The following HHEX variants were observed in gnomAD, a reference collection of about 807,000 sequenced individuals.
The protein encoded by HHEX is hematopoietically expressed homeobox.
Under a neutral mutation model 27.0 loss-of-function variants are expected in HHEX, and 8 were observed. The observed-to-expected ratio is 0.30, with a 90% CI of 0.17 to 0.54. The LOEUF (loss-of-function observed/expected upper bound fraction) is 0.54, where lower values mean the gene tolerates loss of function less well. Ranked by LOEUF, HHEX falls within the 20% of genes least tolerant of loss-of-function variation. The pLI is 0.95. For synonymous variants in HHEX, 164 were observed against 161.5 expected (o/e 1.02, Z -0.12); for missense variants, 326 against 357.2 (o/e 0.91, Z 0.70).
chr10:92,690,435 C>T (rs1407442173), intron 1 of HHEX, 88 bp downstream of exon 1: 30 of 1,342,658 alleles, frequency 2.2e-5, no homozygotes, highest in South Asian at 3.3e-5. Context: ...AGGGGGCAGG[C>T]GGTAGACGGC....
intron 1 of HHEX, 40 bp downstream of exon 1, chr10:92,690,387 C>T (rs1845341543): frequency 1.0e-5 from 14 of 1,396,444 alleles, no homozygotes; most frequent in South Asian, 3.2e-5. Context: ...GGAAGCGCCA[C>T]CCGGCAGGTG....
rs1457054660 is a variant in HHEX, at chr10:92,690,022, C to T, written c.36C>T (p.Ala12=). ...CGCACCCCGGGCCGGCGGCGGGCGC[C>T]GTGGGGGTGCCGCTGTACGCGCCCA... ...QYPHPGPAAG[A]VGVPLYAPTP... Residue 12 remains alanine (A), a synonymous_variant, in exon 1 of 4, where the codon GCC becomes GCT. Transcript: ENST00000282728. 6.0e-6 allele frequency: 9 copies of T among 1,496,404 alleles called. No individual in the cohort carries two copies. In the African/African-American group the frequency reaches 7.3e-5, roughly 12 times the overall value. 92.7% of individuals were successfully genotyped at this position (1,496,404 alleles called of 1,614,324 possible).
intron 1 of HHEX, among the ~76,000 whole-genome samples, chr10:92,690,737 T>C (rs1461817497): frequency 6.6e-6 from 1 of 152,200 alleles, no homozygotes; most frequent in African/African-American, 2.4e-5. Flanking sequence ...TGGACCTGGT[T>C]CAACAGGCTT....
At chr10:92,694,519 A>G in intron 3 of HHEX, 28 bp from the exon 4 acceptor site, 4 of 1,528,958 alleles carry the variant, frequency 2.6e-6, no homozygotes, top group Non-Finnish European at 3.6e-6. Context: ...TGATCCTTCC[A>G]ATCTCCATTT....
chr10:92,692,543 A>G lies in HHEX; in HGVS notation c.537A>G (p.Arg179=). The part of the protein sequence containing the change: ...RLAKMLQLSE[R]QVKTWFQNRR... ...CCAAGATGCTGCAGCTCAGCGAGAG[A>G]CAGGTGAGCTCGCGGGGGGCCTGGG... The change falls in exon 2 of 4, where the codon AGA becomes AGG. Residue 179 remains arginine (R), a synonymous_variant. Coordinates refer to ENST00000282728, the MANE Select transcript of HHEX (RefSeq NM_002729.5). 6.2e-7 allele frequency: 1 copy of G among 1,613,090 alleles called. No homozygotes were observed. The highest frequency in any genetic ancestry group is 8.5e-7 in the Non-Finnish European group (1 of 1,179,568).
Position 92,689,964 on chromosome 10 carries a change from A to G in HHEX, c.-23A>G. 1 of 1,333,924 alleles carries G rather than the reference A, an allele frequency of 7.5e-7. No homozygotes were observed. The highest frequency in any genetic ancestry group is 9.5e-7 in the Non-Finnish European group (1 of 1,047,350). 82.6% of individuals were successfully genotyped at this position (1,333,924 alleles called of 1,614,324 possible). On this transcript the variant is annotated 5_prime_UTR_variant, in exon 1 of 4. Transcript: ENST00000282728. ...CGCGGCGCGGGCCAGCAGCTCTGCG[A>G]GGGGCCGGAGCGCGGCGGAGCCATG...
In HHEX at chr10:92,692,428, A is replaced by G; in HGVS notation, c.422A>G (p.Gln141Arg). 6.2e-7 allele frequency: 1 copy of G among 1,614,062 alleles called. No individual in the cohort carries two copies. The highest frequency in any genetic ancestry group is 8.5e-7 in the Non-Finnish European group (1 of 1,179,988). The change falls in exon 2 of 4, where the codon CAG becomes CGG. Residue 141 changes from glutamine to arginine, a missense_variant. Gln to Arg is a conservative substitution (Grantham distance 43). This residue lies in a region of HHEX where 40 missense variants were observed against 54.9 expected (regional missense o/e 0.73). Coordinates refer to ENST00000282728, the MANE Select transcript of HHEX (RefSeq NM_002729.5). ...QRPLHKRKGG[Q>R]VRFSNDQTIE... ...CCTCTGCATAAAAGGAAAGGCGGCC[A>G]GGTGAGATTCTCCAACGACCAGACC...
In HHEX at chr10:92,689,995, C is replaced by A; in HGVS notation, c.9C>A (p.Tyr3Ter). The A allele has an allele frequency of 6.8e-7, 1 of 1,460,280 alleles. No individual in the cohort carries two copies. The highest frequency in any genetic ancestry group is 9.0e-7 in the Non-Finnish European group (1 of 1,113,732). The allele number at this position is 1,460,280 out of a possible 1,614,324, so 90.5% of individuals were successfully genotyped here. A position where few individuals can be genotyped will look rare whatever the true frequency, so the allele number is the denominator to read the frequency against. Residue 3 changes from tyrosine (Y) to a stop codon, truncating the protein, a stop_gained, in exon 1 of 4, where the codon TAC becomes TAA. Coordinates refer to ENST00000282728, the MANE Select transcript of HHEX (RefSeq NM_002729.5). LOFTEE classifies it high-confidence loss of function. ...CGGAGCGCGGCGGAGCCATGCAGTA[C>A]CCGCACCCCGGGCCGGCGGCGGGCG... MQ[Y>*]PHPGPAAGAV... is the part of the protein sequence containing the mutation.
chr10:92,692,070 C>T (rs1425816017), intron 1 of HHEX: 2 of 247,232 alleles, frequency 8.1e-6, no homozygotes, highest in Non-Finnish European at 1.6e-5. Context: ...TAAGCCCAGC[C>T]GGTAGTGCCC....
In HHEX at chr10:92,692,538, G is replaced by A; in HGVS notation, c.532G>A (p.Glu178Lys). The change falls in exon 2 of 4, where the codon GAG becomes AAG. Residue 178 changes from glutamate to lysine, a missense_variant. Physicochemically the swap from Glu to Lys is moderately conservative, Grantham distance 56. Around this residue, in one of 4 missense-constraint regions of HHEX, gnomAD observed 40 missense variants for 54.9 expected, o/e 0.73. Transcript: ENST00000282728. ...KRLAKMLQLS[E>K]RQVKTWFQNR... ...TCTGGCCAAGATGCTGCAGCTCAGC[G>A]AGAGACAGGTGAGCTCGCGGGGGGC... 6.2e-7 allele frequency: 1 copy of A among 1,613,730 alleles called. No individual in the cohort carries two copies. Among genetic ancestry groups the A allele is most frequent in the Non-Finnish European group, 8.5e-7 (1 of 1,179,860 alleles).
chr10:92,694,580 G>C lies in HHEX; in HGVS notation c.625G>C (p.Glu209Gln), dbSNP rs1280797145. The C allele has an allele frequency of 2.5e-6, 4 of 1,614,028 alleles. No individual in the cohort carries two copies. Among genetic ancestry groups the C allele is most frequent in the Admixed American group, 1.7e-5 (1 of 59,998 alleles). Reference sequence around the variant, plus strand: ...TCAAAGCAATAAAAAAGAAGAACTGGAAAGTTTGGACAGTTCCTGTGATCA... The same window carrying C: ...TCAAAGCAATAAAAAAGAAGAACTGCAAAGTTTGGACAGTTCCTGTGATCA... ...NPQSNKKEEL[E>Q]SLDSSCDQRQ... Residue 209 changes from glutamate to glutamine, a missense_variant, in exon 4 of 4, where the codon GAA becomes CAA. Around this residue, in one of 4 missense-constraint regions of HHEX, gnomAD observed 68 missense variants for 84.9 expected, o/e 0.80. Transcript: ENST00000282728.
chr10:92,691,727 G>A (rs1012532969), intron 1 of HHEX: 1 of 152,312 alleles, frequency 6.6e-6, no homozygotes, highest in Non-Finnish European at 1.5e-5. Flanking sequence ...GAAGCAAAGA[G>A]TTTTTCGAGC....
At position 92,692,558 on chromosome 10, in the gene HHEX, G is replaced by C. The variant is rs1444492183; in HGVS notation, c.540+12G>C. On this transcript the variant is annotated intron_variant, in intron 2 of 3. Transcript: ENST00000282728. ...TCAGCGAGAGACAGGTGAGCTCGCG[G>C]GGGGCCTGGGGCCGCCTCCGGGGAA... 1 of 1,613,006 alleles carries C rather than the reference G, an allele frequency of 6.2e-7. No individual in the cohort carries two copies. Among genetic ancestry groups the C allele is most frequent in the Admixed American group, 1.7e-5 (1 of 59,990 alleles).
In HHEX at chr10:92,690,284, C is replaced by T. The variant is rs1386125639; in HGVS notation, c.298C>T (p.Leu100=). ...CGGACCCGGCGGCTTCGGGGGCCCT[C>T]TGTACCCCTTCCCGCGGACGGTGAA... ...AYGPGGFGGP[L]YPFPRTVNDY... is the part of the protein sequence containing the mutation. The change falls in exon 1 of 4, where the codon CTG becomes TTG. Residue 100 remains leucine (L), a synonymous_variant. Coordinates refer to ENST00000282728, the MANE Select transcript of HHEX (RefSeq NM_002729.5). 1 of 1,550,476 alleles carries T rather than the reference C, an allele frequency of 6.4e-7. No homozygotes were observed. The highest frequency in any genetic ancestry group is 8.7e-7 in the Non-Finnish European group (1 of 1,147,502).
rs1470354868 is a variant in HHEX at position 92,692,756 on chromosome 10, T to C, written c.591+4T>C. 1.9e-6 allele frequency: 3 copies of C among 1,608,496 alleles called. No homozygotes were observed. In the South Asian group the frequency reaches 3.3e-5, roughly 18 times the overall value. On this transcript the variant is annotated splice_donor_region_variant and intron_variant, in intron 3 of 3. Transcript: ENST00000282728. ...TAAATGGAGGAGACTAAAACAGGTA[T>C]GGACATGGTTCTGTTTCTATGGAAA...
chr10:92,694,417 A>G (rs1845384971), intron 3 of HHEX, 130 bp from the exon 4 acceptor site: 2 of 691,118 alleles, frequency 2.9e-6, no homozygotes, highest in African/African-American at 1.8e-5. Flanking sequence ...GAATAAGATT[A>G]TAAACTGAAA....
chr10:92,692,243 G>A, intron 1 of HHEX, 125 bp from the exon 2 acceptor site: 2 of 890,628 alleles, frequency 2.2e-6, no homozygotes, highest in Non-Finnish European at 3.5e-6. Context: ...GCCGGTGGGT[G>A]TATGTGAATG....
At chr10:92,692,852 A>G in intron 3 of HHEX, 100 bp downstream of exon 3, 2 of 961,070 alleles carry the variant, frequency 2.1e-6, no homozygotes, top group Non-Finnish European at 1.6e-6. Flanking sequence ...TTAAGAGACT[A>G]TTTAACCTCT....
Position 92,694,789 on chromosome 10 carries a change from T to C in HHEX, c.*21T>C. The C allele has an allele frequency of 6.6e-7, 1 of 1,523,654 alleles. No homozygotes were observed. The highest frequency in any genetic ancestry group is 9.1e-7 in the Non-Finnish European group (1 of 1,099,782). 94.4% of individuals were successfully genotyped at this position (1,523,654 alleles called of 1,614,324 possible). On this transcript the variant is annotated 3_prime_UTR_variant, in exon 4 of 4. Transcript: ENST00000282728. ...GATGATGACCACTGGCATTGGCATG[T>C]TCAGAAAACTGGATTTAGGAATAAT...
Sources: gnomAD v4.1 joint callset for allele counts (sites outside exome capture counted in the v4.1 genomes callset) on GRCh38, gnomAD v4.1.1 for gene constraint, gnomAD v4.1.1 regional missense constraint, MANE v1.5 for transcripts, NCBI Gene and HGNC (gene_info 2026-07-23, HGNC 2026-07-21) for gene names.